UBE2V2: variants seen among roughly 807,000 people sequenced by gnomAD.
UBE2V2 encodes ubiquitin-conjugating enzyme E2 variant 2.
Under a neutral mutation model 17.2 loss-of-function variants are expected in UBE2V2, and 9 were observed. That is an observed-to-expected ratio of 0.52 (90% confidence interval 0.32 to 0.91). The LOEUF is 0.91. Ranked by LOEUF, UBE2V2 falls within the 40% of genes least tolerant of loss-of-function variation. The pLI, the probability that UBE2V2 is intolerant of heterozygous loss-of-function variation, is 0.04. For missense variants in UBE2V2, 133 were observed against 182.6 expected, an observed-to-expected ratio of 0.73 and a Z score of 1.56; for synonymous variants, 61 against 57.5, an observed-to-expected ratio of 1.06 and a Z score of -0.28.
intron 3 of UBE2V2, among the ~76,000 whole-genome samples, chr8:48,056,676 G>A (rs896811602): frequency 1.3e-5 from 2 of 151,846 alleles, no homozygotes; most frequent in Non-Finnish European, 2.9e-5. Flanking sequence ...ACAGGTGTGA[G>A]CCACTGCACC....
chr8:48,013,192 G>A (rs1473914280), intron 1 of UBE2V2, among the ~76,000 whole-genome samples: 1 of 152,018 alleles, frequency 6.6e-6, no homozygotes, highest in Non-Finnish European at 1.5e-5. Context: ...CACAATTAAG[G>A]AACCAATATT....
In UBE2V2 at chr8:48,049,995, A is replaced by C. The variant is rs753010068; in HGVS notation, c.291+17A>C. The C allele has an allele frequency of 8.0e-6, 12 of 1,496,912 alleles. No homozygotes were observed. The highest frequency in any genetic ancestry group is 9.0e-6 in the Non-Finnish European group (10 of 1,114,578). 92.7% of individuals were successfully genotyped at this position (1,496,912 alleles called of 1,614,324 possible). ...AGTGGGATGGTAAGTTAATATAGTC[A>C]TTTTGGTTTTATATAACATAATGTA... On this transcript the variant is annotated intron_variant, in intron 3 of 3. Transcript: ENST00000523111.
chr8:48,001,651 A>T, the UBE2V2 span, among the ~76,000 whole-genome samples: 2 of 152,220 alleles, frequency 1.3e-5, no homozygotes, highest in Admixed American at 1.3e-4. Context: ...CTTTGAAGCC[A>T]AGTGAAAAAT....
rs541334531 is a variant in UBE2V2 at position 48,034,327 on chromosome 8, A to G, written c.17-8706A>G. 7.9e-5 allele frequency among the ~76,000 whole-genome samples: 12 copies of G among 152,010 alleles called. No homozygotes were observed. In the East Asian group the frequency reaches 2.1e-3, roughly 27 times the overall value. ...TTTTTAGTAGAGATGGGGTTTCACT[A>G]TGTTGGCCAGGCTGGTCTCGAACTC... On this transcript the variant is annotated intron_variant, in intron 1 of 3. Coordinates refer to ENST00000523111, the MANE Select transcript of UBE2V2 (RefSeq NM_003350.3).
the UBE2V2 span, among the ~76,000 whole-genome samples, chr8:48,001,831 T>C: frequency 6.6e-6 from 1 of 152,236 alleles, no homozygotes; most frequent in African/African-American, 2.4e-5. Context: ...GGCTCATGCC[T>C]GTAATCCCAG....
intron 2 of UBE2V2, among the ~76,000 whole-genome samples, chr8:48,046,449 C>T (rs536176166): frequency 6.6e-6 from 1 of 152,150 alleles, no homozygotes; most frequent in East Asian, 1.9e-4. Flanking sequence ...GACAGGGTTT[C>T]TCCATGTTGC....
chr8:48,049,019 A>T (rs535194882), intron 2 of UBE2V2, among the ~76,000 whole-genome samples: 1 of 152,166 alleles, frequency 6.6e-6, no homozygotes, highest in African/African-American at 2.4e-5. Context: ...TGGTACACTA[A>T]TAAGTTAACA....
At chr8:48,026,384 A>G (rs2091345898) in intron 1 of UBE2V2, among the ~76,000 whole-genome samples, 1 of 152,214 alleles carries the variant, frequency 6.6e-6, no homozygotes, top group South Asian at 2.1e-4. Flanking sequence ...ATGTAAATGA[A>G]TATTGAGTTT....
At chr8:48,012,154 G>C (rs2091237037) in intron 1 of UBE2V2, among the ~76,000 whole-genome samples, 1 of 152,146 alleles carries the variant, frequency 6.6e-6, no homozygotes, top group African/African-American at 2.4e-5. Context: ...CTCAGAACAT[G>C]AATCTTAATT....
At position 48,042,846 on chromosome 8, in the gene UBE2V2, T is replaced by G. The variant is rs1470372887; in HGVS notation, c.17-187T>G. 3 of 477,856 alleles carry G rather than the reference T, an allele frequency of 6.3e-6. No homozygotes were observed. In the East Asian group the frequency reaches 9.6e-5, roughly 15 times the overall value. The allele number at this position is 477,856 out of a possible 1,614,324, so 29.6% of individuals were successfully genotyped here. A position where few individuals can be genotyped will look rare whatever the true frequency, so the allele number is the denominator to read the frequency against. The stretch of plus-strand genomic sequence containing the variant: ...GCTGTTAATGTTTGGTACAGTGCTT[T>G]CTTTAGTGTTTTCATTTTGAGGGGT... On this transcript the variant is annotated intron_variant, in intron 1 of 3. Transcript: ENST00000523111.
At chr8:48,009,150 A>T (rs760093686) in intron 1 of UBE2V2, among the ~76,000 whole-genome samples, 1 of 152,240 alleles carries the variant, frequency 6.6e-6, no homozygotes, top group Non-Finnish European at 1.5e-5. Context: ...CTGTGAGCAC[A>T]CAAGTATTAA....
intron 1 of UBE2V2, among the ~76,000 whole-genome samples, chr8:48,036,918 G>A (rs965766658): frequency 2.6e-5 from 4 of 151,896 alleles, no homozygotes; most frequent in East Asian, 3.9e-4. Flanking sequence ...GGTGGCTCAC[G>A]CCTGTAATGC....
intron 1 of UBE2V2, among the ~76,000 whole-genome samples, chr8:48,014,765 T>C (rs1003264620): frequency 4.7e-5 from 7 of 148,386 alleles, no homozygotes; most frequent in African/African-American, 1.5e-4. Flanking sequence ...AAAAAAAGCT[T>C]GTTGGCTGGG....
Position 48,043,045 on chromosome 8 carries a change from C to G in UBE2V2, c.29C>G (p.Pro10Arg), listed in dbSNP as rs1400897923. 2 of 1,567,300 alleles carry G rather than the reference C, an allele frequency of 1.3e-6. No homozygotes were observed. Among genetic ancestry groups the G allele is most frequent in the African/African-American group, 1.4e-5 (1 of 73,470 alleles). Reference sequence around the variant, plus strand: ...TTCTTTTGTATAGGAGTTAAAGTTCCTCGTAATTTTCGCTTGTTGGAAGAA... The same window carrying G: ...TTCTTTTGTATAGGAGTTAAAGTTCGTCGTAATTTTCGCTTGTTGGAAGAA... MAVSTGVKVPRNFRLLEELE... is the reference protein window; with the variant it reads MAVSTGVKVRRNFRLLEELE... The change falls in exon 2 of 4, where the codon CCT becomes CGT. Residue 10 changes from proline to arginine, a missense_variant. By Grantham distance (103) the Pro-to-Arg change is moderately radical. Coordinates refer to ENST00000523111, the MANE Select transcript of UBE2V2 (RefSeq NM_003350.3).
Position 48,051,763 on chromosome 8 carries a change from G to C in UBE2V2, c.291+1785G>C, listed in dbSNP as rs893072193. On this transcript the variant is annotated intron_variant, in intron 3 of 3. Transcript: ENST00000523111. The stretch of plus-strand genomic sequence containing the variant: ...TACGCAGGTCTGAGGCGGGGCCCCA[G>C]ATTGGCTGGTGCATCCAGCAGGGAG... Among the ~76,000 whole-genome samples the C allele has an allele frequency of 1.4e-4, 22 of 152,142 alleles. 1 individual carries two copies. The highest frequency in any genetic ancestry group is 2.8e-4 in the Non-Finnish European group (19 of 68,036).
chr8:48,006,297 C>T (rs1204750846), upstream of UBE2V2, among the ~76,000 whole-genome samples: 2 of 152,114 alleles, frequency 1.3e-5, no homozygotes, highest in Non-Finnish European at 2.9e-5. Context: ...TTGTTTTTGT[C>T]AGGTTTGTCA....
intron 1 of UBE2V2, among the ~76,000 whole-genome samples, chr8:48,014,926 T>C (rs990901166): frequency 6.6e-6 from 1 of 151,264 alleles, no homozygotes; most frequent in Non-Finnish European, 1.5e-5. Context: ...GACAGGCACC[T>C]GTAGTCCTGG....
chr8:48,001,020 T>C, the UBE2V2 span, among the ~76,000 whole-genome samples: 4 of 152,058 alleles, frequency 2.6e-5, no homozygotes, highest in African/African-American at 9.7e-5. Flanking sequence ...TTCCTAGAGA[T>C]AGTAAACAGC....
At chr8:48,008,420 T>C, upstream of UBE2V2, 3 of 1,560,610 alleles carry the variant, frequency 1.9e-6, no homozygotes, top group Non-Finnish European at 1.7e-6. Flanking sequence ...GGTTCGTGCG[T>C]GCGTGCGGGC....
Sources: gnomAD v4.1 joint callset for allele counts (sites outside exome capture counted in the v4.1 genomes callset) on GRCh38, gnomAD v4.1.1 for gene constraint, MANE v1.5 for transcripts, NCBI Gene and HGNC (gene_info 2026-07-23, HGNC 2026-07-21) for gene names.